Variants in SPRED1 observed in about 807,000 individuals in gnomAD.
The protein encoded by SPRED1 is sprouty-related, EVH1 domain-containing protein 1.
In SPRED1, 18 loss-of-function variants were observed where a neutral mutation model predicts 52.3. The ratio of observed to expected loss-of-function variants is 0.34; its 90% CI spans 0.24 to 0.51. The LOEUF is 0.51. SPRED1 is among the 20% of genes least tolerant of loss of function. The pLI, the probability that SPRED1 is intolerant of heterozygous loss-of-function variation, is 0.97. For missense variants in SPRED1, 485 were observed against 551.0 expected (o/e 0.88, Z 1.20); for synonymous variants, 155 against 179.7 (o/e 0.86, Z 1.10).
chr15:38,272,014 G>C (rs1200818587), intron 1 of SPRED1, among the ~76,000 whole-genome samples: 1 of 152,114 alleles, frequency 6.6e-6, no homozygotes, highest in East Asian at 1.9e-4. Context: ...TTGGTTTTCT[G>C]TTCCTGCCTG....
chr15:38,338,064 T>C (rs1261658399), intron 4 of SPRED1, among the ~76,000 whole-genome samples: 2 of 91,940 alleles, frequency 2.2e-5, no homozygotes, highest in Admixed American at 1.1e-4. Context: ...AAAAAAAAAA[T>C]AGCTGGGCGT....
At chr15:38,330,789 A>C (rs1327927680) in intron 4 of SPRED1, among the ~76,000 whole-genome samples, 1 of 152,124 alleles carries the variant, frequency 6.6e-6, no homozygotes, top group Non-Finnish European at 1.5e-5. Flanking sequence ...TGTGATTTAC[A>C]ATTACAAGAA....
chr15:38,346,219 A>C (rs1165828653), intron 5 of SPRED1, among the ~76,000 whole-genome samples: 1 of 151,998 alleles, frequency 6.6e-6, no homozygotes, highest in Non-Finnish European at 1.5e-5. Flanking sequence ...CAGGAGTCTA[A>C]AGCCTGAGAA....
intron 1 of SPRED1, among the ~76,000 whole-genome samples, chr15:38,270,872 C>G (rs923602990): frequency 2.6e-5 from 4 of 152,046 alleles, no homozygotes; most frequent in African/African-American, 9.7e-5. Flanking sequence ...GTACATATGT[C>G]TCTTGAACTG....
intron 2 of SPRED1, among the ~76,000 whole-genome samples, chr15:38,317,654 G>A (rs1043972227): frequency 3.9e-5 from 6 of 151,944 alleles, no homozygotes; most frequent in Non-Finnish European, 7.4e-5. Context: ...TGATATAGTT[G>A]AGAAGGGACG....
intron 2 of SPRED1, among the ~76,000 whole-genome samples, chr15:38,308,873 A>G (rs373693039): frequency 6.6e-6 from 1 of 152,138 alleles, no homozygotes; most frequent in Non-Finnish European, 1.5e-5. Flanking sequence ...TGGTAGTTGC[A>G]TATTTAGTTT....
At chr15:38,348,440 C>G (rs1040207395) in intron 5 of SPRED1, among the ~76,000 whole-genome samples, 9 of 134,996 alleles carry the variant, frequency 6.7e-5, no homozygotes, top group African/African-American at 2.2e-4. Context: ...GTGTGTGTGT[C>G]TGTGTGTGTA....
rs35912838 is a variant in SPRED1 at position 38,336,380 on chromosome 15, A to ATGTGTGTGTGTGTGTGTGTGTGTG, written c.424-3353_424-3330dup. The stretch of plus-strand genomic sequence containing the variant: ...ATCAATCAATGAGTGGATAAAGAAA[A>ATGTGTGTGTGTGTGTGTGTGTGTG]TGTGTGTGTGTGTGTGTGTGTGTGT... On this transcript the variant is annotated intron_variant, in intron 4 of 6. Transcript: ENST00000299084. 1.3e-3 allele frequency among the ~76,000 whole-genome samples: 180 copies of ATGTGTGTGTGTGTGTGTGTGTGTG among 134,280 alleles called. 1 individual carries two copies. In the Middle Eastern group the frequency reaches 0.015, roughly 11 times the overall value. 88.1% of individuals were successfully genotyped at this position (134,280 alleles called of 152,430 possible). A position where few individuals can be genotyped will look rare whatever the true frequency, so the allele number is the denominator to read the frequency against.
intron 1 of SPRED1, among the ~76,000 whole-genome samples, chr15:38,279,234 C>T (rs11073311): frequency 0.83 from 125,608 of 152,174 alleles, 52,596 homozygotes; most frequent in Non-Finnish European, 0.9. Flanking sequence ...TATGATCGTA[C>T]CATATTTGAA....
intron 1 of SPRED1, among the ~76,000 whole-genome samples, chr15:38,255,130 T>C (rs1595709358): frequency 6.6e-6 from 1 of 152,296 alleles, no homozygotes; most frequent in Middle Eastern, 3.4e-3. Flanking sequence ...TTGCCATAAA[T>C]AAATTGAGAC....
intron 5 of SPRED1, among the ~76,000 whole-genome samples, chr15:38,342,119 C>T (rs143967492): frequency 2.4e-3 from 359 of 148,844 alleles, no homozygotes; most frequent in African/African-American, 8.4e-3. Context: ...TATAAATCTA[C>T]CATTTTATTC....
chr15:38,268,221 C>T (rs1894353115), intron 1 of SPRED1: 1 of 152,214 alleles, frequency 6.6e-6, no homozygotes, highest in South Asian at 2.1e-4. Context: ...CACAGCTCAG[C>T]CTTGAAACCC....
chr15:38,288,671 A>T (rs572569776), intron 1 of SPRED1, among the ~76,000 whole-genome samples: 1 of 152,210 alleles, frequency 6.6e-6, no homozygotes, highest in South Asian at 2.1e-4. Flanking sequence ...ATTGCAATAT[A>T]GTGAGTAAGC....
At chr15:38,350,964 A>G in intron 6 of SPRED1, 50 bp from the exon 7 acceptor site, 1 of 1,566,864 alleles carries the variant, frequency 6.4e-7, no homozygotes, top group Non-Finnish European at 8.7e-7. Context: ...GTGACACGTA[A>G]AATTAACCAT....
chr15:38,329,821 C>T (rs1182371116), intron 4 of SPRED1, among the ~76,000 whole-genome samples: 1 of 152,020 alleles, frequency 6.6e-6, no homozygotes, highest in Non-Finnish European at 1.5e-5. Context: ...TTTAAAAGCA[C>T]CATTGGGATC....
intron 1 of SPRED1, among the ~76,000 whole-genome samples, chr15:38,260,434 A>C (rs1001302344): frequency 6.6e-6 from 1 of 152,200 alleles, no homozygotes; most frequent in East Asian, 1.9e-4. Context: ...TAATAAGGTC[A>C]TGGGGCTAGG....
chr15:38,307,609 T>A (rs1895275551), intron 2 of SPRED1, among the ~76,000 whole-genome samples: 1 of 152,176 alleles, frequency 6.6e-6, no homozygotes, highest in Non-Finnish European at 1.5e-5. Flanking sequence ...ACATATGAAT[T>A]TGAGGGGAGC....
intron 4 of SPRED1, among the ~76,000 whole-genome samples, chr15:38,334,801 A>G (rs1479508116): frequency 6.6e-6 from 1 of 151,892 alleles, no homozygotes; most frequent in Non-Finnish European, 1.5e-5. Context: ...TTTGTTAAAA[A>G]ATAGTGCTAC....
At chr15:38,292,845 A>G (rs923385918) in intron 1 of SPRED1, among the ~76,000 whole-genome samples, 1 of 152,188 alleles carries the variant, frequency 6.6e-6, no homozygotes, top group Non-Finnish European at 1.5e-5. Context: ...TTTTTTATAC[A>G]AGATCATCAT....
Sources: gnomAD v4.1 joint callset for allele counts (sites outside exome capture counted in the v4.1 genomes callset) on GRCh38, gnomAD v4.1.1 for gene constraint, MANE v1.5 for transcripts, NCBI Gene and HGNC (gene_info 2026-07-23, HGNC 2026-07-21) for gene names.